IL27: variants seen among roughly 807,000 people sequenced by gnomAD.
The protein encoded by IL27 is interleukin-27 subunit alpha.
In IL27, 11 loss-of-function variants were observed where a neutral mutation model predicts 27.0. The observed-to-expected ratio is 0.41, with a 90% CI of 0.26 to 0.67. The LOEUF is 0.67. Among genes scored for constraint, IL27 ranks in the 30% least tolerant of loss-of-function variants. IL27 has a pLI of 0.34. For synonymous variants in IL27, 134 were observed against 140.6 expected (o/e 0.95, Z 0.33); for missense variants, 299 against 310.4 (o/e 0.96, Z 0.28).
intron 4 of IL27, among the ~76,000 whole-genome samples, chr16:28,501,452 A>T (rs2046428539): frequency 1.3e-5 from 2 of 148,462 alleles, no homozygotes; most frequent in African/African-American, 5.0e-5. Flanking sequence ...ACACCCACAC[A>T]CTCACACACT....
At chr16:28,500,738 G>A (rs2046424794) in intron 4 of IL27, among the ~76,000 whole-genome samples, 1 of 152,190 alleles carries the variant, frequency 6.6e-6, no homozygotes, top group African/African-American at 2.4e-5. Flanking sequence ...TGACCTCACA[G>A]CCCAATGGCC....
chr16:28,499,764 G>T lies in IL27; in HGVS notation c.619C>A (p.Leu207Met). 6.2e-7 allele frequency: 1 copy of T among 1,612,846 alleles called. No individual in the cohort carries two copies. Among genetic ancestry groups the T allele is most frequent in the Non-Finnish European group, 8.5e-7 (1 of 1,179,540 alleles). The change falls in exon 5 of 5, where the codon CTG (leucine) becomes ATG (methionine). Residue 207 changes from leucine (L) to methionine (M), a missense_variant. Leu to Met is a conservative substitution (Grantham distance 15, BLOSUM62 2). Coordinates refer to ENST00000356897, the MANE Select transcript of IL27 (RefSeq NM_145659.3). ...GATAAGACGAGCTCCAAGGAGTGCA[G>T]CAGGCGGTAGGTGGAGAGGAGCTGG... Reference protein sequence around the residue: ...WPQLLSTYRLLHSLELVLSRA... With the variant: ...WPQLLSTYRLMHSLELVLSRA...
At chr16:28,502,675 G>T (rs904649265) in intron 3 of IL27, among the ~76,000 whole-genome samples, 1 of 151,408 alleles carries the variant, frequency 6.6e-6, no homozygotes, top group Admixed American at 6.6e-5. Context: ...CTAACTATCC[G>T]CATTCTCACC....
intron 1 of IL27, among the ~76,000 whole-genome samples, chr16:28,505,181 C>T (rs145934964): frequency 2.6e-5 from 4 of 152,346 alleles, no homozygotes; most frequent in African/African-American, 9.6e-5. Flanking sequence ...CTCAGCCAAG[C>T]GGCTCTGATG....
chr16:28,504,293 C>T (rs2046449538), intron 1 of IL27, among the ~76,000 whole-genome samples: 2 of 152,158 alleles, frequency 1.3e-5, no homozygotes, highest in Admixed American at 6.5e-5. Context: ...GCCTGGCCAA[C>T]ATGGCGAAAC....
At chr16:28,501,839 G>T in intron 4 of IL27, 137 bp downstream of exon 4, 1 of 1,044,822 alleles carries the variant, frequency 9.6e-7, no homozygotes, top group Non-Finnish European at 1.4e-6. Context: ...TCACACTCAT[G>T]AACCCACACA....
At chr16:28,500,268 C>T (rs1297603342) in intron 4 of IL27, among the ~76,000 whole-genome samples, 1 of 152,046 alleles carries the variant, frequency 6.6e-6, no homozygotes, top group Non-Finnish European at 1.5e-5. Flanking sequence ...TTCCCTGCTG[C>T]TTGCCATTCC....
At chr16:28,504,860 G>A (rs1193904471) in intron 1 of IL27, among the ~76,000 whole-genome samples, 2 of 152,188 alleles carry the variant, frequency 1.3e-5, no homozygotes, top group Admixed American at 1.3e-4. Flanking sequence ...TGGGATCACA[G>A]GCATGAGCCA....
chr16:28,501,593 T>C (rs1410834775), intron 4 of IL27, among the ~76,000 whole-genome samples: 1 of 129,106 alleles, frequency 7.7e-6, no homozygotes, highest in African/African-American at 2.9e-5. Flanking sequence ...ACCCACACAC[T>C]CTCACAGTCA....
Position 28,499,640 on chromosome 16 carries a change from G to A in IL27, c.*11C>T, listed in dbSNP as rs1450948297. 1 of 1,599,184 alleles carries A rather than the reference G, an allele frequency of 6.3e-7. No individual in the cohort carries two copies. Among genetic ancestry groups the A allele is most frequent in the Non-Finnish European group, 8.5e-7 (1 of 1,171,318 alleles). The stretch of plus-strand genomic sequence containing the variant: ...TAAAGGGTGGGGGGCAGGGGGCTAA[G>A]AAGCCACCGATCAGGGCTGGGGGCT... On this transcript the variant is annotated 3_prime_UTR_variant, in exon 5 of 5. Coordinates refer to ENST00000356897, the MANE Select transcript of IL27 (RefSeq NM_145659.3).
chr16:28,503,854 G>A (rs761234443), intron 2 of IL27, 24 bp downstream of exon 2: 10 of 1,613,350 alleles, frequency 6.2e-6, no homozygotes, highest in African/African-American at 2.7e-5. Context: ...CATCTCCAGC[G>A]CCAGCTGCAT....
chr16:28,499,829 A>G lies in IL27; in HGVS notation c.554T>C (p.Leu185Pro), dbSNP rs776202759. 191 of 1,582,202 alleles carry G rather than the reference A, an allele frequency of 1.2e-4. No homozygotes were observed. The highest frequency in any genetic ancestry group is 1.6e-4 in the Non-Finnish European group (182 of 1,164,874). ...EERKGLLPGA[L>P]GSALQGPAQV... ...GGCCGGGCCCTGTAAGGCGCTGCCC[A>G]GTGCCCCTGGGAGCAGCCCCTTCCT... Residue 185 changes from leucine to proline, a missense_variant, in exon 5 of 5, where the codon CTG (leucine) becomes CCG (proline). Coordinates refer to ENST00000356897, the MANE Select transcript of IL27 (RefSeq NM_145659.3).
chr16:28,503,155 G>A (rs767421874), intron 3 of IL27, among the ~76,000 whole-genome samples: 2 of 151,698 alleles, frequency 1.3e-5, no homozygotes, highest in South Asian at 2.1e-4. Context: ...ATGGGGTTTC[G>A]CCATGTTGGC....
intron 3 of IL27, 48 bp from the exon 4 acceptor site, chr16:28,502,182 C>A: frequency 6.6e-7 from 1 of 1,504,654 alleles, no homozygotes; most frequent in Non-Finnish European, 9.0e-7. Context: ...CCAAGGATGG[C>A]CATATCACAC....
In IL27 at chr16:28,501,947, T is replaced by C. The variant is rs554297226; in HGVS notation, c.462+29A>G. 49 of 1,591,730 alleles carry C rather than the reference T, an allele frequency of 3.1e-5. No individual in the cohort carries two copies. The South Asian group carries it at 5.3e-4, about 17-fold the overall frequency. On this transcript the variant is annotated intron_variant, in intron 4 of 4. Coordinates refer to ENST00000356897, the MANE Select transcript of IL27 (RefSeq NM_145659.3). ...AGCGAGTCTTCTTTCCCACGTGGTCTGGGGTGGTGGAGGGTGGCCGGGCTC... is the reference window on the plus strand; with the variant it reads ...AGCGAGTCTTCTTTCCCACGTGGTCCGGGGTGGTGGAGGGTGGCCGGGCTC...
intron 1 of IL27, among the ~76,000 whole-genome samples, chr16:28,504,799 T>C (rs1400450140): frequency 6.6e-6 from 1 of 151,956 alleles, no homozygotes; most frequent in Admixed American, 6.6e-5. Flanking sequence ...CCCAGGCTGG[T>C]CTTGAACTCC....
chr16:28,506,208 C>G (rs1184023259), intron 1 of IL27, among the ~76,000 whole-genome samples: 1 of 152,184 alleles, frequency 6.6e-6, no homozygotes, highest in Non-Finnish European at 1.5e-5. Context: ...TTTGAAGGCT[C>G]TGTCTCCATC....
At chr16:28,500,754 T>C (rs573582046) in intron 4 of IL27, among the ~76,000 whole-genome samples, 4 of 152,264 alleles carry the variant, frequency 2.6e-5, no homozygotes, top group Admixed American at 2.0e-4. Flanking sequence ...TGGCCTCCTG[T>C]TGAAGATAGA....
intron 4 of IL27, 142 bp from the exon 5 acceptor site, chr16:28,500,062 T>C (rs2046422138): frequency 1.7e-6 from 2 of 1,161,616 alleles, no homozygotes; most frequent in African/African-American, 3.1e-5. Context: ...TGCTTGATCT[T>C]CCATGATGTC....
Sources: gnomAD v4.1 joint callset for allele counts (sites outside exome capture counted in the v4.1 genomes callset) on GRCh38, gnomAD v4.1.1 for gene constraint, MANE v1.5 for transcripts, NCBI Gene and HGNC (gene_info 2026-07-23, HGNC 2026-07-21) for gene names.